Variants in EYS observed in about 807,000 individuals in gnomAD.
EYS encodes protein eyes shut homolog.
Under a neutral mutation model 282.1 loss-of-function variants are expected in EYS, and 250 were observed. The observed-to-expected ratio is 0.89, with a 90% CI of 0.80 to 0.98. The LOEUF (loss-of-function observed/expected upper bound fraction) is 0.98, where lower values mean the gene tolerates loss of function less well. EYS is among the 50% of genes least tolerant of loss of function. The pLI, the probability that EYS is intolerant of heterozygous loss-of-function variation, is 0.00. For missense variants in EYS, 4,016 were observed against 3,709.0 expected (o/e 1.08, Z -2.15); for synonymous variants, 1,355 against 1,282.9 (o/e 1.06, Z -1.20).
chr6:64,901,990 G>A (rs1237173736), intron 18 of EYS, 123 bp downstream of exon 18: 2 of 641,134 alleles, frequency 3.1e-6, no homozygotes, highest in Non-Finnish European at 5.3e-6. Flanking sequence ...GGATGTGCTG[G>A]TACAAGCACA....
intron 35 of EYS, among the ~76,000 whole-genome samples, chr6:63,870,048 G>A (rs1454712955): frequency 6.6e-6 from 1 of 152,054 alleles, no homozygotes; most frequent in East Asian, 1.9e-4. Flanking sequence ...GGGCAATCTG[G>A]GCAGGATTCA....
chr6:64,803,973 G>A (rs1279999494), intron 22 of EYS, among the ~76,000 whole-genome samples: 1 of 152,160 alleles, frequency 6.6e-6, no homozygotes, highest in African/African-American at 2.4e-5. Context: ...AGCTGCGCCC[G>A]GGAGGGTAGG....
At chr6:64,934,109 C>T (rs915709126) in intron 15 of EYS, among the ~76,000 whole-genome samples, 8 of 150,688 alleles carry the variant, frequency 5.3e-5, no homozygotes, top group Non-Finnish European at 7.4e-5. Context: ...ACATTCTGTA[C>T]ATGTATCCCA....
chr6:64,434,676 T>G (rs1048039825), intron 28 of EYS, among the ~76,000 whole-genome samples: 2 of 152,032 alleles, frequency 1.3e-5, no homozygotes, highest in African/African-American at 4.8e-5. Flanking sequence ...TCTAGTTATG[T>G]CATTATCTGT....
chr6:64,313,641 G>A (rs189320420), intron 29 of EYS, among the ~76,000 whole-genome samples: 71 of 152,158 alleles, frequency 4.7e-4, no homozygotes, highest in Non-Finnish European at 6.2e-4. Context: ...GAGAAAGGTC[G>A]GGTTACCCAC....
chr6:63,819,517 G>A (rs546287860), intron 36 of EYS, among the ~76,000 whole-genome samples: 4 of 152,306 alleles, frequency 2.6e-5, no homozygotes, highest in South Asian at 2.1e-4. Flanking sequence ...ATAGCACCAC[G>A]TGTCAGTTAA....
intron 12 of EYS, among the ~76,000 whole-genome samples, chr6:65,174,275 T>C (rs149095211): frequency 6.6e-6 from 1 of 151,478 alleles, no homozygotes; most frequent in East Asian, 2.0e-4. Context: ...AAATATGGCC[T>C]AGAACTTTCC....
chr6:64,107,943 C>A (rs552262604), intron 31 of EYS, among the ~76,000 whole-genome samples: 1 of 152,094 alleles, frequency 6.6e-6, no homozygotes, highest in African/African-American at 2.4e-5. Flanking sequence ...TTGGAGTGGG[C>A]AGGAGCTGTG....
chr6:65,312,329 G>T (rs1409080264), intron 11 of EYS, among the ~76,000 whole-genome samples: 3 of 151,712 alleles, frequency 2.0e-5, no homozygotes, highest in Non-Finnish European at 4.4e-5. Context: ...TAAATTAAGT[G>T]ATCAGTTATT....
chr6:65,141,765 C>CAA (rs112118672), intron 12 of EYS, among the ~76,000 whole-genome samples: 1 of 151,476 alleles, frequency 6.6e-6, no homozygotes, highest in African/African-American at 2.4e-5. Context: ...ATCAGAAGTT[C>CAA]GGGGGCAAGA....
intron 2 of EYS, among the ~76,000 whole-genome samples, chr6:65,565,789 TC>T (rs2127348506): frequency 6.6e-6 from 1 of 152,166 alleles, no homozygotes; most frequent in East Asian, 1.9e-4. Flanking sequence ...CTAGTTCATG[TC>T]CTTTGTAGGG....
At chr6:63,974,362 G>A (rs1351477429) in intron 35 of EYS, among the ~76,000 whole-genome samples, 1 of 151,906 alleles carries the variant, frequency 6.6e-6, no homozygotes, top group East Asian at 1.9e-4. Flanking sequence ...AAGCAAAACA[G>A]TCAAAAAAAC....
At chr6:65,273,810 C>A (rs1404036222) in intron 12 of EYS, among the ~76,000 whole-genome samples, 3 of 152,252 alleles carry the variant, frequency 2.0e-5, no homozygotes, top group Admixed American at 1.3e-4. Flanking sequence ...TGTCTTTGTT[C>A]AAGGTTCAGC....
At chr6:63,961,757 C>T (rs1374785193) in intron 35 of EYS, among the ~76,000 whole-genome samples, 2 of 152,116 alleles carry the variant, frequency 1.3e-5, no homozygotes, top group African/African-American at 2.4e-5. Flanking sequence ...TAGTCACCCC[C>T]TAAAGGTCCT....
chr6:63,731,743 A>G (rs1768787328), intron 41 of EYS, among the ~76,000 whole-genome samples: 1 of 152,184 alleles, frequency 6.6e-6, no homozygotes, highest in African/African-American at 2.4e-5. Flanking sequence ...TTATAAGCAG[A>G]TAGCTAATAT....
rs1771870858 is a variant in EYS at position 64,079,105 on chromosome 6, G to GT, written c.6571+2750dup. ...TTATTATGTTTGTGTCTTTTGTTCT[G>GT]TTTTTCTTTTGTTTACTCTGCAATG... On this transcript the variant is annotated intron_variant, in intron 32 of 42. Transcript: ENST00000503581. Among the ~76,000 whole-genome samples, 4 of 151,948 alleles carry GT rather than the reference G, an allele frequency of 2.6e-5. No individual in the cohort carries two copies. The South Asian group carries it at 8.3e-4, about 31-fold the overall frequency.
At chr6:65,606,884 A>AT (rs5876976) in intron 2 of EYS, among the ~76,000 whole-genome samples, 52,209 of 149,696 alleles carry the variant, frequency 0.35, 11,262 homozygotes, top group Non-Finnish European at 0.48. Context: ...CTTCCAAAGT[A>AT]TTTTTTTTTT....
intron 31 of EYS, among the ~76,000 whole-genome samples, chr6:64,127,907 A>G (rs1243783261): frequency 6.6e-6 from 1 of 152,098 alleles, no homozygotes; most frequent in African/African-American, 2.4e-5. Flanking sequence ...TTGTATCTCA[A>G]AAAATGGTCT....
chr6:64,879,734 G>C (rs1766857431), intron 19 of EYS, among the ~76,000 whole-genome samples: 1 of 152,012 alleles, frequency 6.6e-6, no homozygotes, highest in African/African-American at 2.4e-5. Context: ...AATGACTTCT[G>C]ACTAATAACA....
Sources: gnomAD v4.1 joint callset for allele counts (sites outside exome capture counted in the v4.1 genomes callset) on GRCh38, gnomAD v4.1.1 for gene constraint, MANE v1.5 for transcripts, NCBI Gene and HGNC (gene_info 2026-07-23, HGNC 2026-07-21) for gene names.